ZNF726: variants seen among roughly 807,000 people sequenced by gnomAD.
ZNF726 encodes the protein zinc finger protein 726, also known as zinc finger protein 92 pseudogene 3.
A neutral mutation model predicts 11.6 loss-of-function variants in ZNF726; 15 were observed. The ratio of observed to expected loss-of-function variants is 1.29; its 90% CI spans 0.86 to 1.99. The LOEUF (loss-of-function observed/expected upper bound fraction) is 1.99, where lower values mean the gene tolerates loss of function less well. ZNF726 is among the 30% of genes most tolerant of loss of function. The pLI is 0.00. For missense variants in ZNF726, 890 were observed against 725.6 expected, an observed-to-expected ratio of 1.23 and a Z score of -2.60; for synonymous variants, 295 against 243.6, an observed-to-expected ratio of 1.21 and a Z score of -1.96.
downstream of ZNF726, among the ~76,000 whole-genome samples, chr19:23,939,249 C>T (rs190975986): frequency 6.6e-6 from 1 of 152,220 alleles, no homozygotes; most frequent in East Asian, 1.9e-4. Context: ...AGTTACTTCA[C>T]TTAGAATAAT....
At chr19:23,932,222 G>T (rs1968121336) in intron 3 of ZNF726, 121 bp from the exon 4 acceptor site, 2 of 648,936 alleles carry the variant, frequency 3.1e-6, no homozygotes, top group East Asian at 3.3e-5. Flanking sequence ...AAGAATTAGG[G>T]TCTGTGGTAT....
chr19:23,928,010 G>T (rs1012820662), intron 3 of ZNF726: 1 of 152,076 alleles, frequency 6.6e-6, no homozygotes, highest in Non-Finnish European at 1.5e-5. Flanking sequence ...GGTCATGGGG[G>T]CAAAGTCCTC....
chr19:23,929,674 A>G (rs1968063505), intron 3 of ZNF726, among the ~76,000 whole-genome samples: 2 of 152,248 alleles, frequency 1.3e-5, no homozygotes, highest in Admixed American at 1.3e-4. Flanking sequence ...TCTTAAAATT[A>G]AAACAATATA....
intron 3 of ZNF726, among the ~76,000 whole-genome samples, chr19:23,930,982 C>A (rs1052181938): frequency 6.6e-6 from 1 of 151,718 alleles, no homozygotes; most frequent in East Asian, 1.9e-4. Flanking sequence ...TTCTTTTTTT[C>A]TTTTTTGAGA....
At chr19:23,937,521 A>C (rs575446290), downstream of ZNF726, among the ~76,000 whole-genome samples, 2 of 150,478 alleles carry the variant, frequency 1.3e-5, no homozygotes, top group Non-Finnish European at 2.9e-5. Context: ...GGCAGGGCAG[A>C]GGTGCTCCCC....
downstream of ZNF726, chr19:23,935,309 TGG>T (rs1968209912): frequency 3.9e-6 from 2 of 516,568 alleles, no homozygotes; most frequent in Admixed American, 2.0e-5. Context: ...GTGAAGAATG[TGG>T]CAAAGTGTTT....
Position 23,933,780 on chromosome 19 carries a change from A to G in ZNF726, c.1664A>G (p.His555Arg), listed in dbSNP as rs779689981. 4 of 1,609,628 alleles carry G rather than the reference A, an allele frequency of 2.5e-6. No homozygotes were observed. In the South Asian group the frequency reaches 4.4e-5, roughly 18 times the overall value. Reference sequence around the variant, plus strand: ...AATCAATCCTCAAATCTTAGTACACATAAGATAATTCATACTGGAGAGAAA... The same window carrying G: ...AATCAATCCTCAAATCTTAGTACACGTAAGATAATTCATACTGGAGAGAAA... ...TFNQSSNLST[H>R]KIIHTGEKPY... The change falls in exon 4 of 4, where the codon CAT becomes CGT. Residue 555 changes from histidine (H) to arginine (R), a missense_variant. Transcript: ENST00000594466.
chr19:23,930,283 AT>A (rs895664210), intron 3 of ZNF726, among the ~76,000 whole-genome samples: 20 of 151,722 alleles, frequency 1.3e-4, no homozygotes, highest in Non-Finnish European at 1.5e-5. Context: ...TCTCTATGTT[AT>A]TTTTTTCCCA....
chr19:23,937,554 G>A (rs970471823), downstream of ZNF726, among the ~76,000 whole-genome samples: 18 of 151,726 alleles, frequency 1.2e-4, no homozygotes, highest in South Asian at 8.3e-4. Context: ...ATGGGCAGCC[G>A]GGCAGAGACG....
chr19:23,919,595 T>TG, intron 2 of ZNF726, 96 bp downstream of exon 2: 2 of 1,406,084 alleles, frequency 1.4e-6, no homozygotes, highest in Non-Finnish European at 1.9e-6. Flanking sequence ...TTCCTATTTC[T>TG]GTTTTCAAGA....
rs998903633 is a variant in ZNF726 at position 23,934,349 on chromosome 19, A to G, written c.*382A>G. On this transcript the variant is annotated 3_prime_UTR_variant, in exon 4 of 4. Transcript: ENST00000594466. ...AGCCTTTAAATGTTCCTCAACTGTTACTGAACATAAAGTAATTCATACTGA... is the reference window on the plus strand; with the variant it reads ...AGCCTTTAAATGTTCCTCAACTGTTGCTGAACATAAAGTAATTCATACTGA... The G allele has an allele frequency of 3.7e-6, 2 of 546,220 alleles. No individual in the cohort carries two copies. The highest frequency in any genetic ancestry group is 5.0e-5 in the East Asian group (1 of 20,004). The allele number at this position is 546,220 out of a possible 1,614,324, so 33.8% of individuals were successfully genotyped here. A position where few individuals can be genotyped will look rare whatever the true frequency, so the allele number is the denominator to read the frequency against.
chr19:23,915,058 A>T, intron 1 of ZNF726, 61 bp downstream of exon 1: 6 of 1,613,026 alleles, frequency 3.7e-6, no homozygotes, highest in Non-Finnish European at 5.1e-6. Context: ...ACCGGTGGGA[A>T]GCGGCAGTGG....
intron 3 of ZNF726, among the ~76,000 whole-genome samples, chr19:23,922,033 G>C (rs773776492): frequency 1.2e-4 from 18 of 152,312 alleles, no homozygotes; most frequent in Middle Eastern, 3.4e-3. Flanking sequence ...TGTACCCCCA[G>C]GGTGATAGAA....
At chr19:23,918,257 G>T (rs1967753155) in intron 1 of ZNF726, among the ~76,000 whole-genome samples, 1 of 152,108 alleles carries the variant, frequency 6.6e-6, no homozygotes, top group Admixed American at 6.6e-5. Context: ...AAAGGGCAAA[G>T]AAACTTAAGC....
Position 23,915,136 on chromosome 19 carries a change from G to C in ZNF726, c.3+139G>C. 3.0e-6 allele frequency: 4 copies of C among 1,318,292 alleles called. No individual in the cohort carries two copies. In the South Asian group the frequency reaches 5.1e-5, roughly 17 times the overall value. 81.7% of individuals were successfully genotyped at this position (1,318,292 alleles called of 1,614,324 possible). A position where few individuals can be genotyped will look rare whatever the true frequency, so the allele number is the denominator to read the frequency against. On this transcript the variant is annotated intron_variant, in intron 1 of 3. Transcript: ENST00000594466. The stretch of plus-strand genomic sequence containing the variant: ...CGAGTTGTTGCCCAGCTCGGCCTCA[G>C]TCCCTTCAGCCTTAAGATGGCGGCT...
At chr19:23,931,114 G>T (rs149197623) in intron 3 of ZNF726, among the ~76,000 whole-genome samples, 254 of 152,252 alleles carry the variant, frequency 1.7e-3, no homozygotes, top group African/African-American at 5.8e-3. Flanking sequence ...GGGGCTGCAG[G>T]CACCTGCCAC....
At position 23,919,487 on chromosome 19, in the gene ZNF726, C is replaced by G. The variant is rs181661694; in HGVS notation, c.118C>G (p.Leu40Val). Residue 40 changes from leucine (L) to valine (V), a missense_variant, in exon 2 of 4, where the codon CTG (leucine) becomes GTG (valine). By Grantham distance (32) the Leu-to-Val change is conservative. Transcript: ENST00000594466. The stretch of plus-strand genomic sequence containing the variant: ...TGTGATGTTAGAGAACTACAGAAAC[C>G]TGGCCTTCCTGGGTGAGGATAACTT... Reference protein sequence around the residue: ...RNVMLENYRNLAFLGIAVSKP... With the variant: ...RNVMLENYRNVAFLGIAVSKP... The G allele has an allele frequency of 2.5e-6, 4 of 1,599,544 alleles. No homozygotes were observed. Among genetic ancestry groups the G allele is most frequent in the Non-Finnish European group, 1.7e-6 (2 of 1,173,798 alleles).
rs764298645 is a variant in ZNF726 at position 23,919,979 on chromosome 19, T to C, written c.131-8T>C. On this transcript the variant is annotated splice_polypyrimidine_tract_variant and splice_region_variant and intron_variant, in intron 2 of 3. Transcript: ENST00000594466. ...CAAGATTCATGTTAATTATTTTTAA[T>C]AAAACAGGTATTGCTGTCTCTAAGC... 1 of 1,555,974 alleles carries C rather than the reference T, an allele frequency of 6.4e-7. No homozygotes were observed. Among genetic ancestry groups the C allele is most frequent in the Non-Finnish European group, 8.7e-7 (1 of 1,144,386 alleles).
chr19:23,935,373 C>A (rs1344429192), downstream of ZNF726: 1 of 527,168 alleles, frequency 1.9e-6, no homozygotes, highest in Non-Finnish European at 3.8e-6. Flanking sequence ...TGGACAGCAA[C>A]CCTACAAATG....
Sources: gnomAD v4.1 joint callset for allele counts (sites outside exome capture counted in the v4.1 genomes callset) on GRCh38, gnomAD v4.1.1 for gene constraint, MANE v1.5 for transcripts, NCBI Gene and HGNC (gene_info 2026-07-23, HGNC 2026-07-21) for gene names.